Variants in LZTS1 observed in about 807,000 individuals in gnomAD.
LZTS1 encodes leucine zipper tumor suppressor 1.
Under a neutral mutation model 45.8 loss-of-function variants are expected in LZTS1, and 31 were observed. The observed-to-expected ratio is 0.68, with a 90% CI of 0.51 to 0.91. The LOEUF is 0.91. Among genes scored for constraint, LZTS1 ranks in the 40% least tolerant of loss-of-function variants. The pLI is 0.00. For synonymous variants in LZTS1, 359 were observed against 357.3 expected, an observed-to-expected ratio of 1.00 and a Z score of -0.05; for missense variants, 821 against 788.9, an observed-to-expected ratio of 1.04 and a Z score of -0.49.
At chr8:20,290,764 G>A (rs190129216) in intron 1 of LZTS1, among the ~76,000 whole-genome samples, 84 of 152,174 alleles carry the variant, frequency 5.5e-4, no homozygotes, top group African/African-American at 2.0e-3. Context: ...CTGACCTTTT[G>A]TGCTACATAA....
intron 1 of LZTS1, among the ~76,000 whole-genome samples, chr8:20,299,155 A>C (rs1368030507): frequency 1.3e-5 from 2 of 152,150 alleles, no homozygotes; most frequent in Non-Finnish European, 2.9e-5. Flanking sequence ...CAAACCCAGC[A>C]TAAGGAGGCA....
chr8:20,295,096 G>A (rs1342247599), intron 1 of LZTS1, among the ~76,000 whole-genome samples: 1 of 152,112 alleles, frequency 6.6e-6, no homozygotes, highest in African/African-American at 2.4e-5. Flanking sequence ...AATGTTATCA[G>A]TGACTCAGGG....
intron 1 of LZTS1, among the ~76,000 whole-genome samples, chr8:20,300,994 G>A (rs375500408): frequency 1.6e-3 from 243 of 152,050 alleles, no homozygotes; most frequent in African/African-American, 5.7e-3. Flanking sequence ...GGTGGCAGGC[G>A]CCTATAGTCC....
intron 1 of LZTS1, among the ~76,000 whole-genome samples, chr8:20,296,870 A>G (rs979067412): frequency 8.3e-4 from 126 of 152,304 alleles, no homozygotes; most frequent in African/African-American, 3.0e-3. Context: ...GACGCAACCC[A>G]CATCACATCT....
At chr8:20,288,669 A>G (rs1194258483) in intron 1 of LZTS1, among the ~76,000 whole-genome samples, 1 of 152,302 alleles carries the variant, frequency 6.6e-6, no homozygotes, top group African/African-American at 2.4e-5. Flanking sequence ...ACGCACAGGC[A>G]TCGAGCACAT....
rs562899297 is a variant in LZTS1 at position 20,248,325 on chromosome 8, A to G, written c.*1397T>C. 1 of 152,426 alleles carries G rather than the reference A, an allele frequency of 6.6e-6. No homozygotes were observed. The highest frequency in any genetic ancestry group is 2.1e-4 in the South Asian group (1 of 4,828). 9.4% of individuals were successfully genotyped at this position (152,426 alleles called of 1,614,324 possible). On this transcript the variant is annotated 3_prime_UTR_variant, in exon 4 of 4. Transcript: ENST00000381569. ...ACAGAGCAAGACCCTGTCTCATAAA[A>G]TTAAAAATAAAATCCCTGAACCAAA...
intron 1 of LZTS1, among the ~76,000 whole-genome samples, chr8:20,273,695 A>G (rs1585292800): frequency 6.6e-6 from 1 of 152,204 alleles, no homozygotes; most frequent in East Asian, 1.9e-4. Flanking sequence ...CAAAACCAGC[A>G]TTTCCCTGAG....
At chr8:20,274,441 C>A (rs66782430) in intron 1 of LZTS1, among the ~76,000 whole-genome samples, 1 of 152,170 alleles carries the variant, frequency 6.6e-6, no homozygotes, top group South Asian at 2.1e-4. Flanking sequence ...TGGAGCATAG[C>A]GGCAATCATC....
chr8:20,253,642 T>G, intron 2 of LZTS1, 57 bp from the exon 3 acceptor site: 3 of 1,332,508 alleles, frequency 2.3e-6, no homozygotes, highest in Non-Finnish European at 3.0e-6. Context: ...CATTGCACCC[T>G]CCCTCCCCAG....
In LZTS1 at chr8:20,249,979, G is replaced by GCAGCTC; in HGVS notation, c.1528_1533dup (p.Glu510_Leu511dup). 1.2e-6 allele frequency: 2 copies of GCAGCTC among 1,613,740 alleles called. No individual in the cohort carries two copies. The highest frequency in any genetic ancestry group is 1.7e-6 in the Non-Finnish European group (2 of 1,179,854). On this transcript the variant is annotated inframe_insertion, in exon 4 of 4. Coordinates refer to ENST00000381569, the MANE Select transcript of LZTS1 (RefSeq NM_021020.5). ...TGGTCATGGCCTTGCCGCTCCTCCC[G>GCAGCTC]CAGCTCGGCCCGCAGCCGCTCCAGC...
chr8:20,255,227 A>G lies in LZTS1; in HGVS notation c.-46T>C, dbSNP rs922883630. On this transcript the variant is annotated 5_prime_UTR_variant, in exon 2 of 4. Transcript: ENST00000381569. The stretch of plus-strand genomic sequence containing the variant: ...GGGGCAGGGCCGGGCAGGGTCTTGG[A>G]AAGGCTGTGGCAGCAAGGGGCAGTC... The G allele has an allele frequency of 9.6e-6, 15 of 1,568,974 alleles. No individual in the cohort carries two copies. Among genetic ancestry groups the G allele is most frequent in the African/African-American group, 1.3e-5 (1 of 74,280 alleles).
Position 20,249,414 on chromosome 8 carries a change from A to T in LZTS1, c.*308T>A. The T allele has an allele frequency of 3.3e-6, 1 of 305,080 alleles. No individual in the cohort carries two copies. The highest frequency in any genetic ancestry group is 8.0e-5 in the South Asian group (1 of 12,424). The allele number at this position is 305,080 out of a possible 1,614,324, so 18.9% of individuals were successfully genotyped here. A position where few individuals can be genotyped will look rare whatever the true frequency, so the allele number is the denominator to read the frequency against. On this transcript the variant is annotated 3_prime_UTR_variant, in exon 4 of 4. Coordinates refer to ENST00000381569, the MANE Select transcript of LZTS1 (RefSeq NM_021020.5). Reference sequence around the variant, plus strand: ...GCCACCTTCCCTGGAGGAGGGGGAGAGGATATCTATTTCGAACAAAGGCCA... The same window carrying T: ...GCCACCTTCCCTGGAGGAGGGGGAGTGGATATCTATTTCGAACAAAGGCCA...
chr8:20,262,067 C>A (rs1800244035), intron 1 of LZTS1, among the ~76,000 whole-genome samples: 1 of 152,232 alleles, frequency 6.6e-6, no homozygotes, highest in Admixed American at 6.5e-5. Flanking sequence ...TCTGGCATCT[C>A]TGCAGTCTGC....
intron 1 of LZTS1, among the ~76,000 whole-genome samples, chr8:20,300,604 T>C (rs192297973): frequency 1.8e-3 from 267 of 152,128 alleles, no homozygotes; most frequent in South Asian, 2.1e-3. Flanking sequence ...AGTGCTGAGA[T>C]TACAAGCGTG....
intron 1 of LZTS1, 125 bp from the exon 2 acceptor site, chr8:20,255,440 G>C (rs190458112): frequency 0.012 from 6,779 of 567,376 alleles, 71 homozygotes; most frequent in Non-Finnish European, 0.014. Context: ...CTCCACCACC[G>C]GGTGCTCCGT....
intron 1 of LZTS1, 78 bp downstream of exon 1, chr8:20,303,662 G>T (rs1163970070): frequency 1.0e-6 from 1 of 980,828 alleles, no homozygotes; most frequent in Non-Finnish European, 1.2e-6. Flanking sequence ...GTCCGGCCCG[G>T]CGAGGGGAAA....
chr8:20,281,380 T>C (rs910137809), intron 1 of LZTS1, among the ~76,000 whole-genome samples: 11 of 142,978 alleles, frequency 7.7e-5, no homozygotes, highest in African/African-American at 2.9e-4. Flanking sequence ...GCCAACATGG[T>C]GAAACCCCAT....
At chr8:20,265,676 CAAAAAAAAAA>C (rs71222140) in intron 1 of LZTS1, among the ~76,000 whole-genome samples, 8 of 42,996 alleles carry the variant, frequency 1.9e-4, no homozygotes, top group East Asian at 9.6e-4. Context: ...GACTCTGTCT[CAAAAAAAAAA>C]AAAAAAAAAA....
intron 1 of LZTS1, among the ~76,000 whole-genome samples, chr8:20,285,553 C>T (rs187242069): frequency 2.1e-4 from 32 of 152,256 alleles, no homozygotes; most frequent in African/African-American, 6.0e-4. Context: ...AAAACTCTAA[C>T]GTATTATTGT....
Sources: allele counts gnomAD v4.1 joint callset (sites outside exome capture counted in the v4.1 genomes callset), GRCh38; gene constraint gnomAD v4.1.1; transcripts MANE v1.5; gene names NCBI Gene and HGNC (gene_info 2026-07-23, HGNC 2026-07-21).